DICER1: variants seen among roughly 807,000 people sequenced by gnomAD.
DICER1 encodes the protein dicer 1, ribonuclease III, also known as endoribonuclease Dicer.
In DICER1, 43 loss-of-function variants were observed where a neutral mutation model predicts 194.1. The ratio of observed to expected loss-of-function variants is 0.22; its 90% CI spans 0.17 to 0.29. The LOEUF is 0.29. DICER1 is among the 10% of genes least tolerant of loss of function. DICER1 has a pLI of 1.00. For synonymous variants in DICER1, 832 were observed against 820.5 expected, an observed-to-expected ratio of 1.01 and a Z score of -0.24; for missense variants, 1,608 against 2,317.0, an observed-to-expected ratio of 0.69 and a Z score of 6.28.
Position 95,099,832 on chromosome 14 carries a change from T to C in DICER1, c.4154A>G (p.Tyr1385Cys). The C allele has an allele frequency of 6.2e-7, 1 of 1,613,874 alleles. No homozygotes were observed. The highest frequency in any genetic ancestry group is 1.3e-5 in the African/African-American group (1 of 74,954). Reference protein sequence around the residue: ...DPPVNWLPPGYVVNQDKSNTD... With the variant: ...DPPVNWLPPGCVVNQDKSNTD... ...GTTGCTTTTGTCTTGATTTACTACA[T>C]AACCAGGAGGAAGCCAATTCACAGG... Residue 1385 changes from tyrosine (Y) to cysteine (C), a missense_variant, in exon 22 of 27, where the codon TAT (tyrosine) becomes TGT (cysteine). Physicochemically the swap from Tyr to Cys is radical, Grantham distance 194. Transcript: ENST00000343455.
chr14:95,118,085 G>A (rs1382861472), intron 8 of DICER1, among the ~76,000 whole-genome samples: 2 of 152,092 alleles, frequency 1.3e-5, no homozygotes, highest in Non-Finnish European at 2.9e-5. Flanking sequence ...AGAGAAACAC[G>A]GATCCTCATA....
chr14:95,112,977 T>C, intron 12 of DICER1, 115 bp downstream of exon 12: 1 of 1,152,836 alleles, frequency 8.7e-7, no homozygotes, highest in Non-Finnish European at 1.3e-6. Context: ...CTCCTGCTCA[T>C]GAAAGTAGAT....
At chr14:95,114,083 C>A (rs770970448) in intron 11 of DICER1, among the ~76,000 whole-genome samples, 6 of 152,128 alleles carry the variant, frequency 3.9e-5, no homozygotes, top group Non-Finnish European at 7.4e-5. Flanking sequence ...TAAACATGAA[C>A]AAACAAACAT....
At chr14:95,114,940 A>G (rs574935564) in intron 11 of DICER1, among the ~76,000 whole-genome samples, 6 of 152,320 alleles carry the variant, frequency 3.9e-5, no homozygotes, top group African/African-American at 1.4e-4. Flanking sequence ...AGGAGAGACT[A>G]AAGAATGGTT....
At position 95,133,357 on chromosome 14, in the gene DICER1, T is replaced by C. The variant is rs1566816390; in HGVS notation, c.102A>G (p.Gln34=). ...MGPFFGLPWQ[Q]EAIHDNIYTP... ...TATAAATGTTATCATGAATTGCTTC[T>C]TGTTGCCATGGCAGTCCAAAGAAAG... The change falls in exon 2 of 27, where the codon CAA becomes CAG. Residue 34 remains glutamine, a synonymous_variant. Transcript: ENST00000343455. 2 of 1,614,156 alleles carry C rather than the reference T, an allele frequency of 1.2e-6. No homozygotes were observed. The highest frequency in any genetic ancestry group is 1.7e-6 in the Non-Finnish European group (2 of 1,180,016).
At chr14:95,091,490 T>A in intron 24 of DICER1, 125 bp from the exon 25 acceptor site, 15 of 860,146 alleles carry the variant, frequency 1.7e-5, no homozygotes, top group Non-Finnish European at 2.6e-5. Context: ...AAATACCATT[T>A]ATGGTATGCC....
At chr14:95,122,868 T>C (rs1419223783) in intron 8 of DICER1, among the ~76,000 whole-genome samples, 1 of 152,096 alleles carries the variant, frequency 6.6e-6, no homozygotes, top group Non-Finnish European at 1.5e-5. Context: ...AATTTCTCGT[T>C]ACTCAAAAAA....
Position 95,107,979 on chromosome 14 carries a change from G to C in DICER1, c.2551C>G (p.Gln851Glu). 6.2e-7 allele frequency: 1 copy of C among 1,613,248 alleles called. No individual in the cohort carries two copies. The highest frequency in any genetic ancestry group is 1.1e-5 in the South Asian group (1 of 91,066). The change falls in exon 16 of 27, where the codon CAG (glutamine) becomes GAG (glutamate). Residue 851 changes from glutamine to glutamate, a missense_variant. Gln to Glu is a conservative substitution (Grantham distance 29). Transcript: ENST00000343455. ...QMLELITRLH[Q>E]YIFSHILRLE... ...CGAAGAATATGTGAGAATATATACT[G>C]GTGAAGTCTTGTAATCAACTCAAGC...
intron 10 of DICER1, among the ~76,000 whole-genome samples, chr14:95,116,085 ACACAC>A (rs1892436819): frequency 6.6e-6 from 1 of 151,068 alleles, no homozygotes; most frequent in African/African-American, 2.5e-5. Flanking sequence ...ACACACACAC[ACACAC>A]GACTGTTAGT....
intron 1 of DICER1, among the ~76,000 whole-genome samples, chr14:95,142,771 C>T (rs572263648): frequency 2.0e-5 from 3 of 152,164 alleles, no homozygotes; most frequent in Admixed American, 2.0e-4. Flanking sequence ...GAAACAGGCA[C>T]GCCACATATC....
chr14:95,129,946 C>A, intron 5 of DICER1, 112 bp downstream of exon 5: 1 of 1,002,938 alleles, frequency 1.0e-6, no homozygotes, highest in East Asian at 2.6e-5. Flanking sequence ...TACACTGCAG[C>A]CAAACTCCCA....
chr14:95,099,554 G>A (rs1404869735), intron 22 of DICER1, among the ~76,000 whole-genome samples: 1 of 151,930 alleles, frequency 6.6e-6, no homozygotes, highest in Non-Finnish European at 1.5e-5. Context: ...AATAAAAATA[G>A]AAATTTGCCT....
At chr14:95,091,396 A>T (rs777259787) in intron 24 of DICER1, 31 bp from the exon 25 acceptor site, 2 of 1,609,528 alleles carry the variant, frequency 1.2e-6, no homozygotes, top group Non-Finnish European at 1.7e-6. Flanking sequence ...ACTTGTAAGC[A>T]AAAAGGCCAC....
At position 95,107,647 on chromosome 14, in the gene DICER1, A is replaced by T. The variant is rs1595378865; in HGVS notation, c.2765T>A (p.Phe922Tyr). Residue 922 changes from phenylalanine to tyrosine, a missense_variant, in exon 17 of 27, where the codon TTT becomes TAT. Physicochemically the swap from Phe to Tyr is conservative, Grantham distance 22 (BLOSUM62 3). This residue lies in a region of DICER1 where 150 missense variants were observed against 216.0 expected (regional missense o/e 0.69). Coordinates refer to ENST00000343455, the MANE Select transcript of DICER1 (RefSeq NM_177438.3). ...TKYTKETPFV[F>Y]KLEDYQDAVI... ...GGCATCTTGGTAATCTTCTAATTTA[A>T]AAACAAAGGGTGTTTCTTTTGTATA... is the stretch of plus-strand genomic sequence containing the variant. 2 of 1,613,896 alleles carry T rather than the reference A, an allele frequency of 1.2e-6. No individual in the cohort carries two copies. Among genetic ancestry groups the T allele is most frequent in the African/African-American group, 2.7e-5 (2 of 74,928 alleles).
intron 8 of DICER1, among the ~76,000 whole-genome samples, chr14:95,119,249 A>T (rs1212346953): frequency 6.6e-6 from 1 of 152,206 alleles, no homozygotes; most frequent in East Asian, 1.9e-4. Flanking sequence ...GCAGACTTCA[A>T]TTAGCTAAGA....
Position 95,090,119 on chromosome 14 carries a change from T to A in DICER1, c.*379A>T. The A allele has an allele frequency of 2.6e-6, 1 of 390,702 alleles. No homozygotes were observed. Among genetic ancestry groups the A allele is most frequent in the East Asian group, 4.5e-5 (1 of 22,078 alleles). The allele number at this position is 390,702 out of a possible 1,614,324, so 24.2% of individuals were successfully genotyped here. ...GAATCTACATCATCCTAGGGACTGC[T>A]GGAGGTTTAAGCTCCATGGCCTTCT... On this transcript the variant is annotated 3_prime_UTR_variant, in exon 27 of 27. Transcript: ENST00000343455.
At chr14:95,090,953 A>G (rs1889748566) in intron 26 of DICER1, 81 bp downstream of exon 26, 11 of 1,317,004 alleles carry the variant, frequency 8.4e-6, no homozygotes, top group Middle Eastern at 2.6e-4. Flanking sequence ...TTTCAGAATC[A>G]TTAGTTTACA....
chr14:95,131,225 A>G (rs1422021478), intron 4 of DICER1, among the ~76,000 whole-genome samples: 2 of 152,088 alleles, frequency 1.3e-5, no homozygotes, highest in Admixed American at 6.5e-5. Context: ...GGGTTTCACC[A>G]TATTGGTCAG....
intron 11 of DICER1, among the ~76,000 whole-genome samples, chr14:95,113,679 G>A (rs563003849): frequency 6.6e-6 from 1 of 152,292 alleles, no homozygotes; most frequent in African/African-American, 2.4e-5. Context: ...AGCAGAGGGC[G>A]GGACAGCCCA....
Sources: gnomAD v4.1 joint callset for allele counts (sites outside exome capture counted in the v4.1 genomes callset) on GRCh38, gnomAD v4.1.1 for gene constraint, gnomAD v4.1.1 regional missense constraint, MANE v1.5 for transcripts, NCBI Gene and HGNC (gene_info 2026-07-23, HGNC 2026-07-21) for gene names.